PRDM16: variants seen among roughly 807,000 people sequenced by gnomAD.
PRDM16 encodes the protein histone-lysine N-methyltransferase PRDM16.
A neutral mutation model predicts 110.6 loss-of-function variants in PRDM16; 23 were observed. The observed-to-expected ratio is 0.21, with a 90% CI of 0.15 to 0.29. PRDM16 has a LOEUF of 0.29. Ranked by LOEUF, PRDM16 falls within the 10% of genes least tolerant of loss-of-function variation. The probability of loss-of-function intolerance (pLI) is 1.00; values close to 1 mark genes in which losing one functional copy is unlikely to be tolerated. For synonymous variants in PRDM16, 799 were observed against 781.8 expected (o/e 1.02, Z -0.37); for missense variants, 1,615 against 1,794.3 (o/e 0.90, Z 1.81).
chr1:3,115,713 T>C (rs1413090852), intron 1 of PRDM16, among the ~76,000 whole-genome samples: 1 of 152,198 alleles, frequency 6.6e-6, no homozygotes, highest in Non-Finnish European at 1.5e-5. Context: ...CGTCTAGCCC[T>C]TGGCCTGCAG....
At chr1:3,308,156 T>A (rs1434793896) in intron 3 of PRDM16, 1 of 152,250 alleles carries the variant, frequency 6.6e-6, no homozygotes, top group East Asian at 1.9e-4. Context: ...GGGGCAGTGA[T>A]GAAACCTCTC....
At chr1:3,203,844 G>A (rs10909899) in intron 2 of PRDM16, among the ~76,000 whole-genome samples, 2 of 152,098 alleles carry the variant, frequency 1.3e-5, no homozygotes, top group Non-Finnish European at 2.9e-5. Flanking sequence ...GTGAATTCGG[G>A]GGGGGCACAA....
In PRDM16 at chr1:3,201,065, G is replaced by A. The variant is rs115944803; in HGVS notation, c.387+14591G>A. On this transcript the variant is annotated intron_variant, in intron 2 of 16. Transcript: ENST00000270722. The surrounding 1 kb of genome is among the most constrained non-coding windows in gnomAD (Gnocchi z 4.1). ...CCCTTAGCCGGAGTGGGGACTCCGG[G>A]GAAGGCCAGCTGCCCAAATGACTGA... Among the ~76,000 whole-genome samples the A allele has an allele frequency of 0.018, 2,794 of 152,170 alleles. 83 individuals carry two copies. Among genetic ancestry groups the A allele is most frequent in the African/African-American group, 0.063 (2,618 of 41,480 alleles).
intron 1 of PRDM16, among the ~76,000 whole-genome samples, chr1:3,089,321 C>T (rs1369717055): frequency 1.3e-5 from 2 of 152,358 alleles, no homozygotes; most frequent in South Asian, 2.1e-4. Context: ...TTCTAAGAGA[C>T]GTTGGGACCC....
At chr1:3,166,800 G>T (rs1415943188) in intron 1 of PRDM16, among the ~76,000 whole-genome samples, 1 of 152,184 alleles carries the variant, frequency 6.6e-6, no homozygotes, top group Non-Finnish European at 1.5e-5. Flanking sequence ...TGGCCCCATG[G>T]TTCTCACCGG....
intron 3 of PRDM16, among the ~76,000 whole-genome samples, chr1:3,285,536 G>T (rs1640825622): frequency 6.6e-6 from 1 of 152,130 alleles, no homozygotes; most frequent in Non-Finnish European, 1.5e-5. Context: ...AGGAAGCTGT[G>T]ACATGCTCGC....
intron 14 of PRDM16, among the ~76,000 whole-genome samples, chr1:3,427,353 G>A (rs1451516298): frequency 1.3e-5 from 2 of 152,186 alleles, no homozygotes; most frequent in Non-Finnish European, 2.9e-5. Flanking sequence ...GGAAAACGGG[G>A]CCCACAGAAG....
At chr1:3,389,048 G>C (rs1643249107) in intron 4 of PRDM16, among the ~76,000 whole-genome samples, 1 of 152,206 alleles carries the variant, frequency 6.6e-6, no homozygotes, top group South Asian at 2.1e-4. Context: ...TCAGAAGCCT[G>C]CTCAAATCAC....
At chr1:3,182,335 C>T (rs920726849) in intron 1 of PRDM16, among the ~76,000 whole-genome samples, 9 of 152,166 alleles carry the variant, frequency 5.9e-5, no homozygotes, top group African/African-American at 1.9e-4. Context: ...GGGCACTGCT[C>T]GTGTGGCCCT....
chr1:3,417,892 G>A lies in PRDM16; in HGVS notation c.2756G>A (p.Gly919Asp), dbSNP rs894891138. 2 of 1,613,554 alleles carry A rather than the reference G, an allele frequency of 1.2e-6. No individual in the cohort carries two copies. Among genetic ancestry groups the A allele is most frequent in the African/African-American group, 2.7e-5 (2 of 75,048 alleles). The stretch of plus-strand genomic sequence containing the variant: ...TTTGCAGCCATGAAGGCGGACTCGG[G>A]CAGCTCCCTGCAGCCCCTCCCCCAC... Reference protein sequence around the residue: ...ESFAAMKADSGSSLQPLPHHP... With the variant: ...ESFAAMKADSDSSLQPLPHHP... The change falls in exon 11 of 17, where the codon GGC becomes GAC. Residue 919 changes from glycine to aspartate, a missense_variant. By Grantham distance (94) the Gly-to-Asp change is moderately conservative. Coordinates refer to ENST00000270722, the MANE Select transcript of PRDM16 (RefSeq NM_022114.4).
intron 12 of PRDM16, among the ~76,000 whole-genome samples, chr1:3,423,522 C>T (rs1311705627): frequency 1.3e-5 from 2 of 152,184 alleles, no homozygotes; most frequent in Non-Finnish European, 2.9e-5. Flanking sequence ...CAGCCCCTCC[C>T]GGTCTGGGAG....
At chr1:3,291,358 G>A (rs1415288809) in intron 3 of PRDM16, among the ~76,000 whole-genome samples, 2 of 152,170 alleles carry the variant, frequency 1.3e-5, no homozygotes, top group African/African-American at 4.8e-5. Context: ...TTCCCCTTCT[G>A]CCCCTGTGTT....
chr1:3,411,120 TACAC>T (rs569774351), intron 8 of PRDM16, among the ~76,000 whole-genome samples: 1 of 152,028 alleles, frequency 6.6e-6, no homozygotes, highest in African/African-American at 2.4e-5. Context: ...GCTTGCAGAA[TACAC>T]ACACGCCTGC....
At chr1:3,122,496 G>T (rs1045054341) in intron 1 of PRDM16, among the ~76,000 whole-genome samples, 2 of 152,164 alleles carry the variant, frequency 1.3e-5, no homozygotes, top group Non-Finnish European at 2.9e-5. Context: ...GAAGGTGGCC[G>T]GCCTCCCCTG....
At chr1:3,079,073 A>G (rs1304814203) in intron 1 of PRDM16, among the ~76,000 whole-genome samples, 1 of 152,234 alleles carries the variant, frequency 6.6e-6, no homozygotes, top group South Asian at 2.1e-4. Flanking sequence ...AGTTGGCGTG[A>G]CTGTCTCCGA....
rs1422460773 is a variant in PRDM16, at chr1:3,359,117, G to C, written c.439-26035G>C. ...TGCAGTGGCTCCATCACGGCACACT[G>C]CAGCCTCCACCTCCCGGGCTCAAGC... On this transcript the variant is annotated intron_variant, in intron 3 of 16. Coordinates refer to ENST00000270722, the MANE Select transcript of PRDM16 (RefSeq NM_022114.4). This position sits in a 1 kb window ranked among gnomAD's most constrained non-coding sequence, Gnocchi z 4.3. Among the ~76,000 whole-genome samples, 1 of 152,182 alleles carries C rather than the reference G, an allele frequency of 6.6e-6. No individual in the cohort carries two copies. The highest frequency in any genetic ancestry group is 2.4e-5 in the African/African-American group (1 of 41,450).
intron 3 of PRDM16, among the ~76,000 whole-genome samples, chr1:3,264,403 A>G (rs1211534926): frequency 8.3e-6 from 1 of 120,744 alleles, no homozygotes; most frequent in African/African-American, 3.3e-5. Flanking sequence ...GGGGAGAGGC[A>G]TAGAGGAGCA....
intron 1 of PRDM16, among the ~76,000 whole-genome samples, chr1:3,091,933 T>G (rs954039625): frequency 2.6e-5 from 4 of 152,208 alleles, no homozygotes; most frequent in African/African-American, 9.6e-5. Flanking sequence ...TCGCAGAACC[T>G]GCCAGGAAAA....
chr1:3,090,485 A>T (rs1642252412), intron 1 of PRDM16, among the ~76,000 whole-genome samples: 1 of 152,238 alleles, frequency 6.6e-6, no homozygotes, highest in African/African-American at 2.4e-5. Context: ...ACCACCCATG[A>T]AACGTGGACA....
Sources: allele counts gnomAD v4.1 joint callset (sites outside exome capture counted in the v4.1 genomes callset), GRCh38; gene constraint gnomAD v4.1.1; non-coding constraint Gnocchi (gnomAD v3.1); transcripts MANE v1.5; gene names NCBI Gene and HGNC (gene_info 2026-07-23, HGNC 2026-07-21).